The following DACH2 variants were observed in gnomAD, a reference collection of about 807,000 sequenced individuals.
DACH2 encodes the protein dachshund family transcription factor 2.
DACH2 carries 17 observed loss-of-function variants against 35.8 expected under a neutral mutation model. That is an observed-to-expected ratio of 0.48 (90% confidence interval 0.33 to 0.71). DACH2 has a LOEUF of 0.71. Ranked by LOEUF, DACH2 falls within the 30% of genes least tolerant of loss-of-function variation. DACH2 has a pLI of 0.02. For synonymous variants in DACH2, 195 were observed against 177.3 expected, an observed-to-expected ratio of 1.10 and a Z score of -0.79; for missense variants, 469 against 472.7, an observed-to-expected ratio of 0.99 and a Z score of 0.07.
intron 2 of DACH2, among the ~76,000 whole-genome samples, chrX:86,380,196 C>T (rs189702303): frequency 6.3e-5 from 7 of 110,487 alleles, no homozygotes; most frequent in Non-Finnish European, 1.1e-4. Context: ...ATCGTAACAA[C>T]TCTATAAGAT....
Position 86,630,697 on chromosome X carries a change from C to CTT in DACH2, c.641-20327_641-20326dup, listed in dbSNP as rs72243221. Among the ~76,000 whole-genome samples, 25 of 103,028 alleles carry CTT rather than the reference C, an allele frequency of 2.4e-4. No homozygotes were observed. The East Asian group carries it at 2.7e-3, about 11-fold the overall frequency. 89.5% of individuals were successfully genotyped at this position (103,028 alleles called of 115,157 possible). ...AGGAGTGTCTGAAGAGCTTATTAAA[C>CTT]TTTTTTTTTTTTTAACTGAGTCTTG... On this transcript the variant is annotated intron_variant, in intron 3 of 11. Coordinates refer to ENST00000373125, the MANE Select transcript of DACH2 (RefSeq NM_053281.3).
intron 1 of DACH2, among the ~76,000 whole-genome samples, chrX:86,298,713 C>A (rs1031326103): frequency 7.2e-5 from 8 of 111,875 alleles, no homozygotes; most frequent in African/African-American, 1.9e-4. Context: ...CTAATTAGAT[C>A]AATCATTCCA....
intron 1 of DACH2, among the ~76,000 whole-genome samples, chrX:86,321,125 G>C (rs1427276583): frequency 1.8e-5 from 2 of 111,419 alleles, no homozygotes; most frequent in African/African-American, 6.5e-5. Flanking sequence ...CTGAGCTTTA[G>C]ATTTTGAAAC....
At chrX:86,483,763 C>T (rs1009094891) in intron 2 of DACH2, among the ~76,000 whole-genome samples, 3 of 110,719 alleles carry the variant, frequency 2.7e-5, no homozygotes, top group South Asian at 3.9e-4. Flanking sequence ...GCCTGGGAGG[C>T]GGAGGCTTCA....
chrX:86,610,578 A>G (rs2039931305), intron 3 of DACH2, among the ~76,000 whole-genome samples: 1 of 108,673 alleles, frequency 9.2e-6, no homozygotes, highest in Admixed American at 1.0e-4. Context: ...CTGGGACTAC[A>G]GGTTGTGCCA....
At chrX:86,627,868 G>T (rs1212430646) in intron 3 of DACH2, among the ~76,000 whole-genome samples, 1 of 112,302 alleles carries the variant, frequency 8.9e-6, no homozygotes, top group Non-Finnish European at 1.9e-5. Context: ...GAAACCATCA[G>T]ACAGTCAAAG....
intron 1 of DACH2, among the ~76,000 whole-genome samples, chrX:86,334,677 T>C (rs2035271908): frequency 8.9e-6 from 1 of 112,106 alleles, no homozygotes; most frequent in Admixed American, 9.5e-5. Flanking sequence ...CAGACAGATT[T>C]ATTGCAAACG....
chrX:86,554,615 T>C (rs2148314998), intron 3 of DACH2, among the ~76,000 whole-genome samples: 1 of 111,972 alleles, frequency 8.9e-6, no homozygotes. Flanking sequence ...CCAAAATGTT[T>C]CTTATCTTCT....
chrX:86,701,310 A>T (rs1455655874), intron 5 of DACH2, among the ~76,000 whole-genome samples: 1 of 111,768 alleles, frequency 8.9e-6, no homozygotes, highest in Non-Finnish European at 1.9e-5. Flanking sequence ...AAAATTGAAG[A>T]TCCCTTCATG....
At chrX:86,297,133 C>G (rs1047148969) in intron 1 of DACH2, among the ~76,000 whole-genome samples, 1 of 106,953 alleles carries the variant, frequency 9.3e-6, no homozygotes, top group African/African-American at 3.4e-5. Flanking sequence ...ATTGGTCTGG[C>G]TACTGTATAA....
At chrX:86,373,163 A>C (rs1015405383) in intron 1 of DACH2, among the ~76,000 whole-genome samples, 1 of 110,440 alleles carries the variant, frequency 9.1e-6, no homozygotes, top group Non-Finnish European at 1.9e-5. Flanking sequence ...TTGGTAGAAA[A>C]ATTTATTTTC....
At chrX:86,381,403 T>C (rs148287504) in intron 2 of DACH2, among the ~76,000 whole-genome samples, 1 of 111,287 alleles carries the variant, frequency 9.0e-6, no homozygotes, top group Non-Finnish European at 1.9e-5. Flanking sequence ...TTAAAACATA[T>C]GTAATTAAGA....
chrX:86,419,328 T>C (rs1452794752), intron 2 of DACH2, among the ~76,000 whole-genome samples: 2 of 112,005 alleles, frequency 1.8e-5, no homozygotes, highest in African/African-American at 6.5e-5. Context: ...GACTGGGATA[T>C]TTGCAAAAGA....
chrX:86,371,769 C>T (rs138706783), intron 1 of DACH2, among the ~76,000 whole-genome samples: 27 of 110,938 alleles, frequency 2.4e-4, no homozygotes, highest in Non-Finnish European at 4.9e-4. Context: ...GGAAATGCAA[C>T]AGTTAACATG....
intron 1 of DACH2, among the ~76,000 whole-genome samples, chrX:86,361,259 T>G (rs1399699485): frequency 8.9e-6 from 1 of 111,864 alleles, no homozygotes; most frequent in East Asian, 2.8e-4. Context: ...ATTATGAATA[T>G]TTCTCAATAT....
intron 11 of DACH2, among the ~76,000 whole-genome samples, chrX:86,817,296 G>A (rs1335225183): frequency 9.0e-6 from 1 of 111,027 alleles, no homozygotes; most frequent in Non-Finnish European, 1.9e-5. Flanking sequence ...GTGTCTATAT[G>A]AGCAAAACCA....
At chrX:86,404,717 C>T (rs759594289) in intron 2 of DACH2, among the ~76,000 whole-genome samples, 1 of 112,234 alleles carries the variant, frequency 8.9e-6, no homozygotes, top group Non-Finnish European at 1.9e-5. Context: ...TCTTCTCAAG[C>T]TCCACTAGTC....
intron 4 of DACH2, among the ~76,000 whole-genome samples, chrX:86,682,474 T>C (rs1359991915): frequency 8.9e-6 from 1 of 111,971 alleles, no homozygotes; most frequent in Non-Finnish European, 1.9e-5. Flanking sequence ...GAATACTTTC[T>C]ACCACACGTC....
At chrX:86,464,912 C>A (rs1287717419) in intron 2 of DACH2, among the ~76,000 whole-genome samples, 1 of 111,115 alleles carries the variant, frequency 9.0e-6, no homozygotes, top group African/African-American at 3.3e-5. Flanking sequence ...TTCCTAAGTA[C>A]CAATTTTGTA....
Sources: allele counts gnomAD v4.1 joint callset (sites outside exome capture counted in the v4.1 genomes callset), GRCh38; gene constraint gnomAD v4.1.1; transcripts MANE v1.5; gene names NCBI Gene and HGNC (gene_info 2026-07-23, HGNC 2026-07-21).